Variants in AHI1 observed in about 807,000 individuals in gnomAD.
AHI1 encodes jouberin.
In AHI1, 123 loss-of-function variants were observed where a neutral mutation model predicts 149.3. The ratio of observed to expected loss-of-function variants is 0.82; its 90% CI spans 0.71 to 0.96. The LOEUF is 0.96. Ranked by LOEUF, AHI1 falls within the 40% of genes least tolerant of loss-of-function variation. The pLI, the probability that AHI1 is intolerant of heterozygous loss-of-function variation, is 0.00. For synonymous variants in AHI1, 475 were observed against 459.8 expected (o/e 1.03, Z -0.42); for missense variants, 1,439 against 1,422.7 (o/e 1.01, Z -0.18).
chr6:135,306,171 A>G (rs1784514502), intron 26 of AHI1, among the ~76,000 whole-genome samples: 1 of 152,234 alleles, frequency 6.6e-6, no homozygotes, highest in Admixed American at 6.5e-5. Flanking sequence ...CACTCAAAGT[A>G]TGTGTTAAAT....
chr6:135,342,015 G>A (rs981188630), intron 24 of AHI1, among the ~76,000 whole-genome samples: 2 of 151,730 alleles, frequency 1.3e-5, no homozygotes, highest in Admixed American at 1.3e-4. Context: ...TTGGTTCTTC[G>A]AAAGATCAAG....
chr6:135,334,739 T>A (rs1300611594), intron 24 of AHI1, among the ~76,000 whole-genome samples: 2 of 152,232 alleles, frequency 1.3e-5, no homozygotes, highest in African/African-American at 4.8e-5. Flanking sequence ...TGTATTTTCA[T>A]TTTCTTTCTT....
intron 8 of AHI1, among the ~76,000 whole-genome samples, chr6:135,462,061 TTA>T (rs886332408): frequency 6.6e-6 from 1 of 151,956 alleles, no homozygotes; most frequent in Non-Finnish European, 1.5e-5. Context: ...GCTTAGTGCT[TTA>T]TATATATAGA....
In AHI1 at chr6:135,466,001, A is replaced by G. The variant is rs775089247; in HGVS notation, c.562T>C (p.Leu188=). The G allele has an allele frequency of 6.2e-7, 1 of 1,613,816 alleles. No homozygotes were observed. The highest frequency in any genetic ancestry group is 8.5e-7 in the Non-Finnish European group (1 of 1,179,850). Residue 188 remains leucine (L), a synonymous_variant, in exon 7 of 29, where the codon TTG becomes CTG. Coordinates refer to ENST00000265602, the MANE Select transcript of AHI1 (RefSeq NM_001134831.2). ...EETDLEEDEE[L]MQAYQCHVTE... ...ACATGGCACTGATATGCTTGCATCA[A>G]TTCTTCATCCTCTTCTAAATCAGTC... is the stretch of plus-strand genomic sequence containing the variant.
chr6:135,492,624 C>T (rs1226539901), intron 3 of AHI1: 1 of 985,218 alleles, frequency 1.0e-6, no homozygotes, highest in Admixed American at 6.2e-5. Context: ...CATTTCAACG[C>T]ACTTTTAAGA....
intron 22 of AHI1, among the ~76,000 whole-genome samples, chr6:135,399,222 C>T (rs1379576422): frequency 2.6e-5 from 4 of 152,102 alleles, no homozygotes; most frequent in Non-Finnish European, 2.9e-5. Context: ...CTGGCTATTT[C>T]CCTGCAGGTT....
At chr6:135,421,133 T>A (rs150089263) in intron 20 of AHI1, among the ~76,000 whole-genome samples, 46 of 152,246 alleles carry the variant, frequency 3.0e-4, no homozygotes, top group Non-Finnish European at 4.7e-4. Context: ...CCATCTTATA[T>A]GGGTACAGTT....
chr6:135,344,923 G>C (rs1168930999), intron 24 of AHI1, among the ~76,000 whole-genome samples: 1 of 89,964 alleles, frequency 1.1e-5, no homozygotes, highest in African/African-American at 4.7e-5. Flanking sequence ...AATAAGCTCT[G>C]ATTCACACAC....
intron 26 of AHI1, among the ~76,000 whole-genome samples, chr6:135,311,041 C>A (rs12208668): frequency 6.6e-6 from 1 of 151,908 alleles, no homozygotes; most frequent in Non-Finnish European, 1.5e-5. Flanking sequence ...GTGGCTCACA[C>A]TTGTCATCGC....
chr6:135,343,171 A>C (rs542521274), intron 24 of AHI1, among the ~76,000 whole-genome samples: 1 of 152,078 alleles, frequency 6.6e-6, no homozygotes, highest in African/African-American at 2.4e-5. Flanking sequence ...TCTTTACCTG[A>C]GTAATGAACA....
Position 135,483,316 on chromosome 6 carries a change from G to A in AHI1, c.135+7307C>T, listed in dbSNP as rs139097518. On this transcript the variant is annotated intron_variant, in intron 5 of 28. Transcript: ENST00000265602. ...TAAATCCAGGCCAGCACTTATATAG[G>A]TGAATGAACACATGAAAGATATTAT... 3.3e-5 allele frequency among the ~76,000 whole-genome samples: 5 copies of A among 152,148 alleles called. No homozygotes were observed. The East Asian group carries it at 9.7e-4, about 29-fold the overall frequency.
chr6:135,476,147 G>A (rs1451891547), intron 5 of AHI1, among the ~76,000 whole-genome samples: 2 of 151,964 alleles, frequency 1.3e-5, no homozygotes, highest in Non-Finnish European at 2.9e-5. Flanking sequence ...TTGATATGCT[G>A]TAATTTCATT....
chr6:135,404,246 CTAAAT>C (rs1780432566), intron 22 of AHI1, among the ~76,000 whole-genome samples: 3 of 152,102 alleles, frequency 2.0e-5, no homozygotes, highest in Non-Finnish European at 4.4e-5. Context: ...TTCCCAACAC[CTAAAT>C]TAAAAGTTAC....
At chr6:135,361,280 T>C (rs984325597) in intron 23 of AHI1, among the ~76,000 whole-genome samples, 1 of 152,206 alleles carries the variant, frequency 6.6e-6, no homozygotes, top group Admixed American at 6.5e-5. Context: ...CTATATGTTA[T>C]AAACACCACA....
intron 8 of AHI1, among the ~76,000 whole-genome samples, chr6:135,461,134 C>T (rs189598987): frequency 9.9e-5 from 15 of 151,912 alleles, no homozygotes; most frequent in Middle Eastern, 6.8e-3. Flanking sequence ...CAGAGTAGGA[C>T]GACATTTGCG....
At chr6:135,387,363 ATAAAGGATT>A (rs1777760983) in intron 23 of AHI1, among the ~76,000 whole-genome samples, 1 of 152,222 alleles carries the variant, frequency 6.6e-6, no homozygotes, top group African/African-American at 2.4e-5. Context: ...TGTCTGTGGA[ATAAAGGATT>A]GTCCCCCAAC....
intron 23 of AHI1, among the ~76,000 whole-genome samples, chr6:135,390,001 GTTTT>G (rs1168910837): frequency 2.5e-5 from 2 of 79,512 alleles, no homozygotes; most frequent in Admixed American, 1.2e-4. Context: ...AATATTATGA[GTTTT>G]TTTGTGTTTT....
intron 6 of AHI1, among the ~76,000 whole-genome samples, chr6:135,467,362 AC>A (rs2128100450): frequency 6.6e-6 from 1 of 152,364 alleles, no homozygotes; most frequent in South Asian, 2.1e-4. Flanking sequence ...AGTATTTAAA[AC>A]AAGTATAGTT....
chr6:135,494,749 A>G (rs1225431465), intron 3 of AHI1, among the ~76,000 whole-genome samples: 1 of 152,252 alleles, frequency 6.6e-6, no homozygotes, highest in African/African-American at 2.4e-5. Context: ...TAGTTCCAAG[A>G]AAATAAAAAG....
Sources: allele counts gnomAD v4.1 joint callset (sites outside exome capture counted in the v4.1 genomes callset), GRCh38; gene constraint gnomAD v4.1.1; transcripts MANE v1.5; gene names NCBI Gene and HGNC (gene_info 2026-07-23, HGNC 2026-07-21).